CNTN4: variants seen among roughly 807,000 people sequenced by gnomAD.
CNTN4 encodes the protein contactin 4, also known as contactin-4.
Under a neutral mutation model 122.5 loss-of-function variants are expected in CNTN4, and 77 were observed. The observed-to-expected ratio is 0.63, with a 90% CI of 0.52 to 0.76. The LOEUF (loss-of-function observed/expected upper bound fraction) is 0.76, where lower values mean the gene tolerates loss of function less well. Ranked by LOEUF, CNTN4 falls within the 30% of genes least tolerant of loss-of-function variation. CNTN4 has a pLI of 0.00. For synonymous variants in CNTN4, 512 were observed against 447.0 expected (o/e 1.15, Z -1.83); for missense variants, 1,256 against 1,259.1 (o/e 1.00, Z 0.04).
At chr3:2,724,626 C>G (rs951687701) in intron 4 of CNTN4, among the ~76,000 whole-genome samples, 8 of 152,084 alleles carry the variant, frequency 5.3e-5, no homozygotes, top group African/African-American at 1.9e-4. Flanking sequence ...CTTTAGCTGC[C>G]AAAGAGACAG....
At chr3:2,319,565 T>G (rs2150200093) in intron 2 of CNTN4, among the ~76,000 whole-genome samples, 1 of 150,118 alleles carries the variant, frequency 6.7e-6, no homozygotes, top group East Asian at 2.0e-4. Flanking sequence ...GGTGAAGACC[T>G]TTGTGATGAT....
At chr3:2,482,294 G>T (rs1210054420) in intron 3 of CNTN4, among the ~76,000 whole-genome samples, 1 of 152,118 alleles carries the variant, frequency 6.6e-6, no homozygotes. Context: ...TTTTGCCCCT[G>T]CCCTAGAGAT....
rs563202936 is a variant in CNTN4, at chr3:2,352,434, A to G, written c.-89+13201A>G. 3.3e-5 allele frequency among the ~76,000 whole-genome samples: 5 copies of G among 152,236 alleles called. No homozygotes were observed. The East Asian group carries it at 9.7e-4, about 30-fold the overall frequency. ...GGAACCAGGGCTGCGCAGCGCTCGCAGGCCAGCTGGAGTTCCGGGTAGGTG... is the reference window on the plus strand; with the variant it reads ...GGAACCAGGGCTGCGCAGCGCTCGCGGGCCAGCTGGAGTTCCGGGTAGGTG... On this transcript the variant is annotated intron_variant, in intron 3 of 24. Transcript: ENST00000418658.
intron 2 of CNTN4, among the ~76,000 whole-genome samples, chr3:2,305,801 C>A (rs2042681002): frequency 6.6e-6 from 1 of 152,128 alleles, no homozygotes; most frequent in Non-Finnish European, 1.5e-5. Context: ...TTTACCTGTC[C>A]ATCAACTCCT....
chr3:2,366,592 T>TG (rs533202682), intron 3 of CNTN4, among the ~76,000 whole-genome samples: 2 of 152,092 alleles, frequency 1.3e-5, no homozygotes, highest in South Asian at 2.1e-4. Flanking sequence ...CCAGGCATGG[T>TG]GGCGGGCGCC....
At chr3:2,964,697 T>C (rs12715157) in intron 13 of CNTN4, among the ~76,000 whole-genome samples, 67,944 of 152,008 alleles carry the variant, frequency 0.45, 15,467 homozygotes, top group Non-Finnish European at 0.47. Context: ...TAAGCAAGTG[T>C]AGCACTTTGT....
chr3:2,781,874 G>C (rs56132223), intron 6 of CNTN4, among the ~76,000 whole-genome samples: 5,387 of 49,946 alleles, frequency 0.11, 487 homozygotes, highest in Non-Finnish European at 0.14. Flanking sequence ...GCAGGCGCCC[G>C]CACCACGCCC....
At chr3:2,335,752 T>C (rs2043930108) in intron 2 of CNTN4, among the ~76,000 whole-genome samples, 1 of 152,184 alleles carries the variant, frequency 6.6e-6, no homozygotes, top group Non-Finnish European at 1.5e-5. Flanking sequence ...GAGGTGTGAA[T>C]AAATAATTCC....
rs183027443 is a variant in CNTN4 at position 2,892,061 on chromosome 3, T to C, written c.940+4837T>C. ...CCTACATCTGTCTAGTTTATAGATA[T>C]GGAAATTGAGTCCCAAAGAGATTAA... On this transcript the variant is annotated intron_variant, in intron 10 of 24. Transcript: ENST00000418658. Among the ~76,000 whole-genome samples, 28 of 152,348 alleles carry C rather than the reference T, an allele frequency of 1.8e-4. No homozygotes were observed. In the East Asian group the frequency reaches 3.9e-3, roughly 21 times the overall value.
At chr3:2,115,541 C>G (rs932715727) in intron 2 of CNTN4, among the ~76,000 whole-genome samples, 2 of 152,214 alleles carry the variant, frequency 1.3e-5, no homozygotes. Flanking sequence ...CTCTTGAGGC[C>G]TGTCCAGGAA....
Position 2,285,811 on chromosome 3 carries a change from G to A in CNTN4, c.-144-53367G>A, listed in dbSNP as rs75963080. On this transcript the variant is annotated intron_variant, in intron 2 of 24. Transcript: ENST00000418658. ...TATGTATTTCTCACACTGTTTTATG[G>A]CCTGTATTTCACACTTGGTTTTATA... Among the ~76,000 whole-genome samples, 964 of 152,004 alleles carry A rather than the reference G, an allele frequency of 6.3e-3. 22 individuals carry two copies. In the East Asian group the frequency reaches 0.072, roughly 11 times the overall value.
intron 4 of CNTN4, among the ~76,000 whole-genome samples, chr3:2,622,756 A>G (rs1460646446): frequency 1.3e-5 from 2 of 152,218 alleles, no homozygotes; most frequent in African/African-American, 4.8e-5. Context: ...GTGTTAATAT[A>G]TCCATTTACA....
At chr3:2,591,718 A>G (rs1384738370) in intron 4 of CNTN4, among the ~76,000 whole-genome samples, 2 of 152,074 alleles carry the variant, frequency 1.3e-5, no homozygotes, top group African/African-American at 4.8e-5. Flanking sequence ...AAAAAATATG[A>G]GGTGAATTTT....
intron 2 of CNTN4, among the ~76,000 whole-genome samples, chr3:2,288,241 T>C (rs2149971527): frequency 6.6e-6 from 1 of 152,286 alleles, no homozygotes; most frequent in Non-Finnish European, 1.5e-5. Context: ...TTCTGCAGGT[T>C]GTACAAGAAT....
intron 14 of CNTN4, among the ~76,000 whole-genome samples, chr3:3,010,994 C>A (rs550398063): frequency 2.6e-5 from 4 of 152,186 alleles, no homozygotes; most frequent in Non-Finnish European, 5.9e-5. Context: ...CATCCTCTCA[C>A]GTTTATCACT....
At chr3:2,432,133 G>T (rs1284496796) in intron 3 of CNTN4, among the ~76,000 whole-genome samples, 1 of 152,140 alleles carries the variant, frequency 6.6e-6, no homozygotes, top group Non-Finnish European at 1.5e-5. Flanking sequence ...ACGTAGAAGT[G>T]GCCCAAGTGA....
At chr3:2,778,073 G>A (rs534014725) in intron 6 of CNTN4, among the ~76,000 whole-genome samples, 9 of 147,802 alleles carry the variant, frequency 6.1e-5, no homozygotes, top group African/African-American at 2.3e-4. Flanking sequence ...AATTAGCCGG[G>A]CGTGGTGGCG....
At chr3:2,684,051 G>A (rs930684375) in intron 4 of CNTN4, among the ~76,000 whole-genome samples, 7 of 152,210 alleles carry the variant, frequency 4.6e-5, no homozygotes, top group African/African-American at 1.7e-4. Flanking sequence ...TAGTGGAGGG[G>A]AACACTGGCT....
At chr3:2,338,742 G>A (rs2044062102) in intron 2 of CNTN4, among the ~76,000 whole-genome samples, 1 of 152,046 alleles carries the variant, frequency 6.6e-6, no homozygotes, top group East Asian at 1.9e-4. Context: ...GTTTGTTTTT[G>A]TTAGGTACCC....
Sources: allele counts gnomAD v4.1 joint callset (sites outside exome capture counted in the v4.1 genomes callset), GRCh38; gene constraint gnomAD v4.1.1; transcripts MANE v1.5; gene names NCBI Gene and HGNC (gene_info 2026-07-23, HGNC 2026-07-21).